The following RPH3A variants were observed in gnomAD, a reference collection of about 807,000 sequenced individuals.
RPH3A encodes the protein rabphilin-3A.
In RPH3A, 48 loss-of-function variants were observed where a neutral mutation model predicts 102.2. The ratio of observed to expected loss-of-function variants is 0.47; its 90% CI spans 0.37 to 0.60. The LOEUF is 0.60. RPH3A is among the 20% of genes least tolerant of loss of function. The probability of loss-of-function intolerance (pLI) is 0.00; values close to 1 mark genes in which losing one functional copy is unlikely to be tolerated. For synonymous variants in RPH3A, 310 were observed against 324.3 expected (o/e 0.96, Z 0.47); for missense variants, 781 against 910.1 (o/e 0.86, Z 1.83).
At chr12:112,707,105 G>A (rs952904481) in intron 1 of RPH3A, among the ~76,000 whole-genome samples, 3 of 152,090 alleles carry the variant, frequency 2.0e-5, no homozygotes, top group African/African-American at 7.2e-5. Context: ...CTCAGAATGG[G>A]GCCATGTAAG....
At chr12:112,880,030 C>A (rs1450984344) in intron 14 of RPH3A, among the ~76,000 whole-genome samples, 1 of 152,198 alleles carries the variant, frequency 6.6e-6, no homozygotes, top group Admixed American at 6.5e-5. Context: ...TGTTGCCTCG[C>A]TATAATAATT....
intron 1 of RPH3A, among the ~76,000 whole-genome samples, chr12:112,575,841 C>T (rs953148528): frequency 1.3e-5 from 2 of 152,124 alleles, no homozygotes; most frequent in African/African-American, 2.4e-5. Flanking sequence ...ATCCTCACTC[C>T]CACTCTAGGT....
At chr12:112,773,261 A>G (rs1259346939) in intron 1 of RPH3A, among the ~76,000 whole-genome samples, 2 of 152,112 alleles carry the variant, frequency 1.3e-5, no homozygotes, top group Non-Finnish European at 2.9e-5. Flanking sequence ...GGAGGAGAAA[A>G]TGGATAACCC....
rs774717873 is a variant in RPH3A, at chr12:112,869,915, C to T, written c.672C>T (p.Pro224=). Residue 224 remains proline (P), a synonymous_variant, in exon 10 of 22, where the codon CCC becomes CCT. Transcript: ENST00000389385. The stretch of plus-strand genomic sequence containing the variant: ...CAGGCCCTGACCCAGCCTCTGCTCC[C>T]GGGCGAGGAAACTATGGGCCTCCCG... The part of the protein sequence containing the change: ...QKTGPDPASA[P]GRGNYGPPVR... 2.4e-5 allele frequency: 39 copies of T among 1,613,906 alleles called. No homozygotes were observed. Among genetic ancestry groups the T allele is most frequent in the African/African-American group, 1.7e-4 (13 of 74,896 alleles).
intron 2 of RPH3A, chr12:112,813,535 C>T (rs985667203): frequency 6.6e-6 from 1 of 152,174 alleles, no homozygotes; most frequent in Non-Finnish European, 1.5e-5. Context: ...AATCCACACC[C>T]CAGGGAAGTG....
At chr12:112,689,059 G>T (rs2040287929) in intron 1 of RPH3A, among the ~76,000 whole-genome samples, 1 of 152,160 alleles carries the variant, frequency 6.6e-6, no homozygotes, top group Non-Finnish European at 1.5e-5. Flanking sequence ...TTTAATAATA[G>T]AAATAATTTT....
chr12:112,723,583 T>A (rs945590838), intron 1 of RPH3A, among the ~76,000 whole-genome samples: 3 of 152,206 alleles, frequency 2.0e-5, no homozygotes, highest in African/African-American at 7.2e-5. Flanking sequence ...TAATGGCATT[T>A]TGTATGGGTC....
At chr12:112,806,577 C>T (rs1020098164) in intron 2 of RPH3A, among the ~76,000 whole-genome samples, 3 of 151,572 alleles carry the variant, frequency 2.0e-5, no homozygotes, top group Non-Finnish European at 2.9e-5. Context: ...TGTAATGAGT[C>T]GAGATCACGC....
At chr12:112,741,525 A>G (rs1455525851) in intron 1 of RPH3A, among the ~76,000 whole-genome samples, 2 of 152,306 alleles carry the variant, frequency 1.3e-5, no homozygotes, top group East Asian at 3.9e-4. Flanking sequence ...TTGGGGAGAG[A>G]GTGAGCTTTC....
At chr12:112,795,802 G>A (rs1356191349) in intron 2 of RPH3A, among the ~76,000 whole-genome samples, 2 of 152,190 alleles carry the variant, frequency 1.3e-5, no homozygotes, top group Non-Finnish European at 2.9e-5. Context: ...GAATAAGAAT[G>A]CAGTTGTGAG....
chr12:112,661,844 A>G (rs1291530521), intron 1 of RPH3A, among the ~76,000 whole-genome samples: 1 of 152,048 alleles, frequency 6.6e-6, no homozygotes, highest in Non-Finnish European at 1.5e-5. Flanking sequence ...AGCATTGAAC[A>G]AACTCCCCCC....
intron 5 of RPH3A, among the ~76,000 whole-genome samples, chr12:112,860,668 G>A (rs1184643696): frequency 1.3e-4 from 20 of 152,250 alleles, no homozygotes; most frequent in Admixed American, 9.8e-4. Context: ...TGAGGCAGGA[G>A]GCTGTGGGGA....
At chr12:112,890,470 G>T (rs1267726772) in intron 18 of RPH3A, among the ~76,000 whole-genome samples, 1 of 152,180 alleles carries the variant, frequency 6.6e-6, no homozygotes, top group Admixed American at 6.5e-5. Context: ...CCCAAGGACT[G>T]CCCTTTAAGA....
At chr12:112,682,985 A>C (rs892872859) in intron 1 of RPH3A, among the ~76,000 whole-genome samples, 3 of 152,116 alleles carry the variant, frequency 2.0e-5, no homozygotes, top group Admixed American at 6.5e-5. Flanking sequence ...GAAACTTGCA[A>C]ATCTCTTTGG....
chr12:112,655,773 A>G (rs2040007304), intron 1 of RPH3A, among the ~76,000 whole-genome samples: 1 of 151,698 alleles, frequency 6.6e-6, no homozygotes. Context: ...GGGTTTTGCC[A>G]TTTTGACCAG....
chr12:112,891,904 C>A lies in RPH3A; in HGVS notation c.1775+901C>A, dbSNP rs537746406. Among the ~76,000 whole-genome samples, 9 of 152,352 alleles carry A rather than the reference C, an allele frequency of 5.9e-5. No homozygotes were observed. The South Asian group carries it at 8.3e-4, about 14-fold the overall frequency. The stretch of plus-strand genomic sequence containing the variant: ...TCATAGCCACCGCTGTGTCAGACAT[C>A]AGGCCCTATTCTCATCTCTGCCAGC... On this transcript the variant is annotated intron_variant, in intron 19 of 21. Transcript: ENST00000389385.
chr12:112,756,008 C>A (rs1458369242), intron 1 of RPH3A, among the ~76,000 whole-genome samples: 1 of 151,786 alleles, frequency 6.6e-6, no homozygotes, highest in Non-Finnish European at 1.5e-5. Flanking sequence ...AAAAGTACTG[C>A]CAGATAGGAG....
chr12:112,682,307 A>T (rs981452098), intron 1 of RPH3A, among the ~76,000 whole-genome samples: 1 of 151,852 alleles, frequency 6.6e-6, no homozygotes, highest in African/African-American at 2.4e-5. Flanking sequence ...AGGAGAAGAT[A>T]AATGTCCCAG....
At chr12:112,735,388 T>C (rs554575393) in intron 1 of RPH3A, among the ~76,000 whole-genome samples, 5 of 151,976 alleles carry the variant, frequency 3.3e-5, no homozygotes, top group Non-Finnish European at 5.9e-5. Context: ...TAATTTTGAG[T>C]GTGTGAGCCT....
Sources: gnomAD v4.1 joint callset for allele counts (sites outside exome capture counted in the v4.1 genomes callset) on GRCh38, gnomAD v4.1.1 for gene constraint, MANE v1.5 for transcripts, NCBI Gene and HGNC (gene_info 2026-07-23, HGNC 2026-07-21) for gene names.